Variants in RUVBL1 observed in about 807,000 individuals in gnomAD.
The protein encoded by RUVBL1 is ruvB-like 1.
A neutral mutation model predicts 52.4 loss-of-function variants in RUVBL1; 4 were observed. That is an observed-to-expected ratio of 0.08 (90% CI 0.04 to 0.17). RUVBL1 has a LOEUF of 0.17. Among genes scored for constraint, RUVBL1 ranks in the 10% least tolerant of loss-of-function variants. The pLI, the probability that RUVBL1 is intolerant of heterozygous loss-of-function variation, is 1.00. For missense variants in RUVBL1, 298 were observed against 572.8 expected (o/e 0.52, Z 4.90); for synonymous variants, 217 against 214.4 (o/e 1.01, Z -0.10).
rs60187195 is a variant in RUVBL1, at chr3:128,109,809, ATTTTTTTTTT to A, written c.361+3069_361+3078del. 9.9e-5 allele frequency among the ~76,000 whole-genome samples: 8 copies of A among 80,498 alleles called. 1 individual carries two copies. The East Asian group carries it at 3.2e-3, about 32-fold the overall frequency. The allele number at this position is 80,498 out of a possible 152,430, so 52.8% of individuals were successfully genotyped here. A position where few individuals can be genotyped will look rare whatever the true frequency, so the allele number is the denominator to read the frequency against. The stretch of plus-strand genomic sequence containing the variant: ...GCCATCAGGCCTGGCCTCTCTGTAA[ATTTTTTTTTT>A]TTTTTTTTTTTTTTTTGAGACAGAG... On this transcript the variant is annotated intron_variant, in intron 3 of 10. Coordinates refer to ENST00000322623, the MANE Select transcript of RUVBL1 (RefSeq NM_003707.3).
At chr3:128,076,780 C>T (rs1010549910), downstream of RUVBL1, among the ~76,000 whole-genome samples, 6 of 152,156 alleles carry the variant, frequency 3.9e-5, no homozygotes, top group African/African-American at 1.2e-4. This position sits in a 1 kb window ranked among gnomAD's most constrained non-coding sequence, Gnocchi z 6.8. Context: ...CCCGCCGTGT[C>T]CCCCGTTCCC....
At chr3:128,106,468 C>T (rs1943241506) in intron 3 of RUVBL1, among the ~76,000 whole-genome samples, 1 of 151,848 alleles carries the variant, frequency 6.6e-6, no homozygotes, top group African/African-American at 2.4e-5. Context: ...TCCCCCCCCC[C>T]TTCACACATT....
downstream of RUVBL1, among the ~76,000 whole-genome samples, chr3:128,079,207 G>A (rs921149105): frequency 6.6e-6 from 1 of 152,226 alleles, no homozygotes; most frequent in Non-Finnish European, 1.5e-5. Context: ...CCTCTAGGTG[G>A]GTCACCTTCC....
intron 6 of RUVBL1, among the ~76,000 whole-genome samples, chr3:128,100,094 C>T (rs1299031727): frequency 6.6e-6 from 1 of 152,222 alleles, no homozygotes; most frequent in Admixed American, 6.5e-5. Flanking sequence ...CTAGAAATGT[C>T]ATATAGTGAT....
chr3:128,071,545 TCA>T (rs1942168014), intron 9 of RUVBL1: 1 of 152,590 alleles, frequency 6.6e-6, no homozygotes, highest in Non-Finnish European at 1.5e-5. Context: ...AGGCCCACAC[TCA>T]CGCCCTGTGG....
intron 1 of RUVBL1, chr3:128,153,174 A>G: frequency 2.5e-6 from 3 of 1,209,450 alleles, no homozygotes; most frequent in South Asian, 4.7e-5. Flanking sequence ...CTTGATAGCT[A>G]TAGAAAAGTT....
chr3:128,123,490 C>T, intron 1 of RUVBL1, 94 bp downstream of exon 1: 1 of 1,318,984 alleles, frequency 7.6e-7, no homozygotes, highest in Non-Finnish European at 1.0e-6. Flanking sequence ...AGACCCCTGG[C>T]GCGCGCATCC....
At chr3:128,100,853 G>C in intron 5 of RUVBL1, 109 bp from the exon 6 acceptor site, 1 of 1,292,714 alleles carries the variant, frequency 7.7e-7, no homozygotes, top group Non-Finnish European at 1.1e-6. Context: ...AGGCCTGACA[G>C]CCTACTTGAC....
In RUVBL1 at chr3:128,081,140, A is replaced by C. The variant is rs1057220; in HGVS notation, c.*110T>G. On this transcript the variant is annotated 3_prime_UTR_variant, in exon 11 of 11. Coordinates refer to ENST00000322623, the MANE Select transcript of RUVBL1 (RefSeq NM_003707.3). The surrounding 1 kb of genome is among the most constrained non-coding windows in gnomAD (Gnocchi z 4.8). ...CCACACTGAACTGACAGCGCTGCAG[A>C]CCACGCCTGAGTGGGGACGGCAGCC... 0.22 allele frequency: 243,858 copies of C among 1,084,894 alleles called. 28,672 individuals are homozygous for C. The highest frequency in any genetic ancestry group is 0.26 in the South Asian group (17,317 of 66,188). The allele number at this position is 1,084,894 out of a possible 1,614,324, so 67.2% of individuals were successfully genotyped here. A position where few individuals can be genotyped will look rare whatever the true frequency, so the allele number is the denominator to read the frequency against.
chr3:128,097,644 C>T (rs1489083904), intron 7 of RUVBL1, 146 bp from the exon 8 acceptor site: 4 of 700,638 alleles, frequency 5.7e-6, no homozygotes, highest in African/African-American at 5.3e-5. Flanking sequence ...GGTGTGTCCC[C>T]ACTCCAGGTT....
In RUVBL1 at chr3:128,104,685, A is replaced by T; in HGVS notation, c.513+88T>A. On this transcript the variant is annotated intron_variant, in intron 4 of 10. Coordinates refer to ENST00000322623, the MANE Select transcript of RUVBL1 (RefSeq NM_003707.3). ...ATACCTGCAGTGCACAGGTCAGGAA[A>T]CTGGGATGCAGAGAGGTTACACCAC... 1.7e-6 allele frequency: 2 copies of T among 1,190,596 alleles called. 1 individual carries two copies. Among genetic ancestry groups the T allele is most frequent in the South Asian group, 3.2e-5 (2 of 62,650 alleles). 73.8% of individuals were successfully genotyped at this position (1,190,596 alleles called of 1,614,324 possible).
intron 8 of RUVBL1, among the ~76,000 whole-genome samples, chr3:128,091,623 A>G (rs1037563016): frequency 6.6e-6 from 1 of 152,232 alleles, no homozygotes; most frequent in East Asian, 1.9e-4. Context: ...AAAGTATCCT[A>G]TAGATATACC....
intron 8 of RUVBL1, among the ~76,000 whole-genome samples, chr3:128,091,255 A>G (rs1234446309): frequency 6.9e-6 from 1 of 145,572 alleles, no homozygotes; most frequent in East Asian, 2.1e-4. Context: ...CTCATGTGCC[A>G]GCAGCGGTGC....
At chr3:128,087,244 G>A (rs2107675476) in intron 9 of RUVBL1, among the ~76,000 whole-genome samples, 1 of 152,358 alleles carries the variant, frequency 6.6e-6, no homozygotes, top group East Asian at 1.9e-4. Flanking sequence ...TGCTGGAGCT[G>A]GCTTGCTGTT....
intron 8 of RUVBL1, among the ~76,000 whole-genome samples, chr3:128,088,104 AT>A (rs1206015182): frequency 6.6e-6 from 1 of 152,072 alleles, no homozygotes. Flanking sequence ...TCTACTAAAA[AT>A]ACAAAAATTA....
At position 128,100,576 on chromosome 3, in the gene RUVBL1, C is replaced by A; in HGVS notation, c.753+19G>T. 3 of 1,576,934 alleles carry A rather than the reference C, an allele frequency of 1.9e-6. No homozygotes were observed. The highest frequency in any genetic ancestry group is 2.6e-6 in the Non-Finnish European group (3 of 1,164,084). Reference sequence around the variant, plus strand: ...CAAAAGGGCTAATGTGCCAGATCACCCAGGCATCGAGGCAGTACCTGGGGC... The same window carrying A: ...CAAAAGGGCTAATGTGCCAGATCACACAGGCATCGAGGCAGTACCTGGGGC... On this transcript the variant is annotated intron_variant, in intron 6 of 10. Coordinates refer to ENST00000322623, the MANE Select transcript of RUVBL1 (RefSeq NM_003707.3).
rs558787243 is a variant in RUVBL1, at chr3:128,153,797, C to A, written c.-634G>T. On this transcript the variant is annotated 5_prime_UTR_variant, in exon 1 of 10. Transcript: ENST00000464873. The stretch of plus-strand genomic sequence containing the variant: ...ACGCTGGTCGACTGCCCCGGGCACG[C>A]CTCCCTCATCCGGACCATCATCGGC... The A allele has an allele frequency of 3.9e-6, 6 of 1,522,404 alleles. No homozygotes were observed. In the South Asian group the frequency reaches 7.2e-5, roughly 18 times the overall value. The allele number at this position is 1,522,404 out of a possible 1,614,324, so 94.3% of individuals were successfully genotyped here.
intron 8 of RUVBL1, among the ~76,000 whole-genome samples, chr3:128,095,051 A>C (rs1942938193): frequency 6.6e-6 from 1 of 152,202 alleles, no homozygotes; most frequent in African/African-American, 2.4e-5. Flanking sequence ...CAGTCTAGCA[A>C]GGAGTCTCCA....
chr3:128,068,062 G>A (rs113948900), intron 9 of RUVBL1: 2 of 1,613,290 alleles, frequency 1.2e-6, no homozygotes, highest in Middle Eastern at 1.7e-4. Flanking sequence ...CTCAACCGGT[G>A]AGTGGTGGCC....
Sources: allele counts gnomAD v4.1 joint callset (sites outside exome capture counted in the v4.1 genomes callset), GRCh38; gene constraint gnomAD v4.1.1; non-coding constraint Gnocchi (gnomAD v3.1); transcripts MANE v1.5; gene names NCBI Gene and HGNC (gene_info 2026-07-23, HGNC 2026-07-21).